NAA11: variants seen among roughly 807,000 people sequenced by gnomAD.
The protein encoded by NAA11 is N-alpha-acetyltransferase 11.
A neutral mutation model predicts 16.1 loss-of-function variants in NAA11; 15 were observed. That is an observed-to-expected ratio of 0.93 (90% CI 0.62 to 1.44). The LOEUF (loss-of-function observed/expected upper bound fraction) is 1.44, where lower values mean the gene tolerates loss of function less well. NAA11 is among the 40% of genes most tolerant of loss of function. NAA11 has a pLI of 0.00. For missense variants in NAA11, 298 were observed against 291.3 expected, an observed-to-expected ratio of 1.02 and a Z score of -0.17; for synonymous variants, 122 against 112.4, an observed-to-expected ratio of 1.09 and a Z score of -0.54.
chr4:79,278,026 C>T (rs1232715333), intron 2 of NAA11, among the ~76,000 whole-genome samples: 2 of 152,054 alleles, frequency 1.3e-5, no homozygotes, highest in Non-Finnish European at 2.9e-5. Context: ...AGAATTTGGC[C>T]AGAAGGAGCT....
Position 79,325,208 on chromosome 4 carries a change from T to C in NAA11, c.670A>G (p.Ser224Gly). 1 of 1,611,412 alleles carries C rather than the reference T, an allele frequency of 6.2e-7. No individual in the cohort carries two copies. Among genetic ancestry groups the C allele is most frequent in the Non-Finnish European group, 8.5e-7 (1 of 1,178,654 alleles). Residue 224 changes from serine to glycine, a missense_variant, in exon 1 of 2, where the codon AGC (serine) becomes GGC (glycine). Physicochemically the swap from Ser to Gly is moderately conservative, Grantham distance 56 (BLOSUM62 0). Transcript: ENST00000286794. ...ATGCTCTAGGAGGTGGAATCCGAGC[T>C]TTCTGAGCTGTCCTGGACGTTGGTG... is the stretch of plus-strand genomic sequence containing the variant. ...ESTNVQDSSE[S>G]SDSTS
At chr4:79,168,512 A>C in the NAA11 span, among the ~76,000 whole-genome samples, 1 of 152,204 alleles carries the variant, frequency 6.6e-6, no homozygotes, top group South Asian at 2.1e-4. Flanking sequence ...TCCTGTTTCT[A>C]CACATCCTCT....
At chr4:79,254,761 A>T (rs1439965200) in intron 2 of NAA11, among the ~76,000 whole-genome samples, 1 of 150,916 alleles carries the variant, frequency 6.6e-6, no homozygotes, top group Non-Finnish European at 1.5e-5. Context: ...TTTGTTATTG[A>T]TGAAGAAAAT....
chr4:79,319,932 AC>A (rs1025949929), intron 1 of NAA11, among the ~76,000 whole-genome samples: 23 of 152,242 alleles, frequency 1.5e-4, no homozygotes, highest in Non-Finnish European at 2.9e-5. Context: ...ACATTTAACA[AC>A]TTTTTGTTAG....
intron 2 of NAA11, among the ~76,000 whole-genome samples, chr4:79,265,130 GC>G (rs1409907044): frequency 6.6e-6 from 1 of 152,106 alleles, no homozygotes; most frequent in Non-Finnish European, 1.5e-5. Context: ...TCATCCTCAT[GC>G]CTCTCATTTT....
the NAA11 span, among the ~76,000 whole-genome samples, chr4:79,204,519 C>T: frequency 6.6e-6 from 1 of 150,822 alleles, no homozygotes; most frequent in Non-Finnish European, 1.5e-5. Flanking sequence ...CCCTCCCTCC[C>T]TCCCTTCCTC....
At chr4:79,195,186 G>A in the NAA11 span, among the ~76,000 whole-genome samples, 1 of 152,064 alleles carries the variant, frequency 6.6e-6, no homozygotes, top group African/African-American at 2.4e-5. Flanking sequence ...AGTTTGGACT[G>A]TAACTACTAA....
chr4:79,217,157 G>C, the NAA11 span, among the ~76,000 whole-genome samples: 3 of 152,172 alleles, frequency 2.0e-5, no homozygotes, highest in African/African-American at 7.2e-5. Context: ...CTTGCATATT[G>C]TGCTTCTATT....
chr4:79,245,814 T>C (rs1470885754), intron 2 of NAA11, among the ~76,000 whole-genome samples: 1 of 150,604 alleles, frequency 6.6e-6, no homozygotes, highest in Non-Finnish European at 1.5e-5. Context: ...GGGGCCCCTC[T>C]GCCCGGCCGC....
intron 2 of NAA11, among the ~76,000 whole-genome samples, chr4:79,239,675 G>A (rs1721647349): frequency 6.6e-6 from 1 of 152,080 alleles, no homozygotes. Flanking sequence ...ACTCCAGCCT[G>A]GGTGACAGAG....
intron 2 of NAA11, chr4:79,258,779 C>T (rs1424935089): frequency 6.6e-6 from 1 of 152,510 alleles, no homozygotes. Context: ...GGTTCCTTTT[C>T]CAGGCCACCC....
Sources: gnomAD v4.1 joint callset for allele counts (sites outside exome capture counted in the v4.1 genomes callset) on GRCh38, gnomAD v4.1.1 for gene constraint, MANE v1.5 for transcripts, NCBI Gene and HGNC (gene_info 2026-07-23, HGNC 2026-07-21) for gene names.